The following RASGEF1C variants were observed in gnomAD, a reference collection of about 807,000 sequenced individuals.
RASGEF1C encodes ras-GEF domain-containing family member 1C.
Under a neutral mutation model 58.1 loss-of-function variants are expected in RASGEF1C, and 27 were observed. The observed-to-expected ratio is 0.46, with a 90% CI of 0.34 to 0.64. The LOEUF is 0.64. RASGEF1C is among the 30% of genes least tolerant of loss of function. RASGEF1C has a pLI of 0.01. For missense variants in RASGEF1C, 502 were observed against 605.1 expected (o/e 0.83, Z 1.79); for synonymous variants, 243 against 246.3 (o/e 0.99, Z 0.13).
chr5:180,147,419 T>C (rs1766674529), intron 1 of RASGEF1C, among the ~76,000 whole-genome samples: 1 of 152,168 alleles, frequency 6.6e-6, no homozygotes, highest in Admixed American at 6.5e-5. Context: ...ATCTTTCTTC[T>C]TTTTTAATGT....
chr5:180,200,934 A>G (rs1195433393), intron 1 of RASGEF1C, among the ~76,000 whole-genome samples: 1 of 152,070 alleles, frequency 6.6e-6, no homozygotes, highest in African/African-American at 2.4e-5. Context: ...AGAACTATGA[A>G]AAAAAGAAAG....
chr5:180,136,491 TG>T lies in RASGEF1C; in HGVS notation c.324del (p.Lys109AsnfsTer100). On this transcript the variant is annotated frameshift_variant, in exon 4 of 14. Coordinates refer to ENST00000361132, the MANE Select transcript of RASGEF1C (RefSeq NM_175062.4). LOFTEE classifies it high-confidence loss of function. ...LDKARVRKFG[P>X]KLLQLLAEWT... Reference sequence around the variant, plus strand: ...CACTCGGCCAACAGCTGCAGCAGTTTGGGGCCGAACTTCCGGACCCGGGCCT... The same window carrying T: ...CACTCGGCCAACAGCTGCAGCAGTTTGGGCCGAACTTCCGGACCCGGGCCT... The T allele has an allele frequency of 1.9e-6, 3 of 1,570,870 alleles. No homozygotes were observed. The highest frequency in any genetic ancestry group is 1.7e-6 in the Non-Finnish European group (2 of 1,157,452).
rs1030060370 is a variant in RASGEF1C at position 180,131,546 on chromosome 5, C to T, written c.439-2936G>A. 2.0e-5 allele frequency among the ~76,000 whole-genome samples: 3 copies of T among 152,212 alleles called. 1 individual carries two copies. Among genetic ancestry groups the T allele is most frequent in the African/African-American group, 7.2e-5 (3 of 41,446 alleles). ...GCTGTCAGGGAAATGATTCTGTTCA[C>T]GTGCATCTCCTCTCCCTGGACCACA... On this transcript the variant is annotated intron_variant, in intron 4 of 13. Transcript: ENST00000361132.
chr5:180,144,924 C>A (rs948097961), intron 1 of RASGEF1C, among the ~76,000 whole-genome samples: 1 of 152,110 alleles, frequency 6.6e-6, no homozygotes. Flanking sequence ...CAGTGACTGG[C>A]GTATTTCATT....
Position 180,177,978 on chromosome 5 carries a change from TC to T in RASGEF1C, c.-7+31049del. Among the ~76,000 whole-genome samples the T allele has an allele frequency of 6.6e-6, 1 of 151,476 alleles. No homozygotes were observed. Among genetic ancestry groups the T allele is most frequent in the South Asian group, 2.1e-4 (1 of 4,768 alleles). On this transcript the variant is annotated intron_variant, in intron 1 of 13. Transcript: ENST00000361132. The surrounding 1 kb of genome is among the most constrained non-coding windows in gnomAD (Gnocchi z 5.0). ...GCCCACCTTGGGCTTTTTTTTTTTTTCTTTTTGAGGTGGAGTCTCGCTCTGT... is the reference window on the plus strand; with the variant it reads ...GCCCACCTTGGGCTTTTTTTTTTTTTTTTTTGAGGTGGAGTCTCGCTCTGT...
chr5:180,127,739 C>T, intron 5 of RASGEF1C, 56 bp from the exon 6 acceptor site: 1 of 1,534,930 alleles, frequency 6.5e-7, no homozygotes, highest in Non-Finnish European at 8.9e-7. Flanking sequence ...AGGGGGTGTC[C>T]ACTGGGGGGC....
At chr5:180,191,550 A>G (rs1260001580) in intron 1 of RASGEF1C, among the ~76,000 whole-genome samples, 2 of 151,726 alleles carry the variant, frequency 1.3e-5, no homozygotes, top group South Asian at 2.1e-4. Context: ...TAGAGACGGG[A>G]TTTCACCGTG....
intron 4 of RASGEF1C, among the ~76,000 whole-genome samples, chr5:180,131,787 C>A (rs532411077): frequency 2.6e-5 from 4 of 152,192 alleles, no homozygotes; most frequent in Non-Finnish European, 5.9e-5. Context: ...GATAGGGCCA[C>A]GAGATTGCCT....
chr5:180,115,063 G>A (rs1270505516), intron 10 of RASGEF1C, among the ~76,000 whole-genome samples: 2 of 151,820 alleles, frequency 1.3e-5, no homozygotes, highest in Non-Finnish European at 2.9e-5. Flanking sequence ...CACCCAGGCT[G>A]GAGTGCAATG....
intron 4 of RASGEF1C, among the ~76,000 whole-genome samples, chr5:180,129,499 C>T (rs1157715076): frequency 6.6e-6 from 1 of 152,182 alleles, no homozygotes; most frequent in Non-Finnish European, 1.5e-5. Context: ...CACCCCAGGG[C>T]CCTGGCTGAG....
chr5:180,161,385 G>A (rs1416062846), intron 1 of RASGEF1C, among the ~76,000 whole-genome samples: 1 of 152,274 alleles, frequency 6.6e-6, no homozygotes, highest in Non-Finnish European at 1.5e-5. Flanking sequence ...GAGGTGGCAA[G>A]AACTGGCCCT....
At chr5:180,206,006 AT>A (rs1418853524) in intron 1 of RASGEF1C, among the ~76,000 whole-genome samples, 1 of 152,142 alleles carries the variant, frequency 6.6e-6, no homozygotes, top group African/African-American at 2.4e-5. Flanking sequence ...AAGTGCTGGG[AT>A]TACAGGCGTG....
chr5:180,174,572 GTC>G lies in RASGEF1C; in HGVS notation c.-7+34454_-7+34455del, dbSNP rs879780490. On this transcript the variant is annotated intron_variant, in intron 1 of 13. Transcript: ENST00000361132. ...TGCGTGTGTCTGTGTGTGCACGTGT[GTC>G]TGTGTGTGCGCACGTGTGTGTGTGT... Among the ~76,000 whole-genome samples, 39 of 150,828 alleles carry G rather than the reference GTC, an allele frequency of 2.6e-4. 1 individual carries two copies. The highest frequency in any genetic ancestry group is 1.8e-3 in the Admixed American group (27 of 15,180).
rs890299634 is a variant in RASGEF1C, at chr5:180,111,669, C to G, written c.1180-89G>C. ...AGGGGCTGGTCCTGGCAGAGACCCT[C>G]TCAACACCCAGTGGCTTTAGGGCTC... On this transcript the variant is annotated intron_variant, in intron 11 of 13. Transcript: ENST00000361132. 269 of 1,461,566 alleles carry G rather than the reference C, an allele frequency of 1.8e-4. 1 individual carries two copies. Among genetic ancestry groups the G allele is most frequent in the East Asian group, 3.4e-4 (15 of 43,884 alleles). The allele number at this position is 1,461,566 out of a possible 1,614,324, so 90.5% of individuals were successfully genotyped here. A position where few individuals can be genotyped will look rare whatever the true frequency, so the allele number is the denominator to read the frequency against.
intron 1 of RASGEF1C, among the ~76,000 whole-genome samples, chr5:180,190,369 A>G (rs967852715): frequency 1.8e-4 from 27 of 151,592 alleles, no homozygotes; most frequent in South Asian, 1.7e-3. Context: ...GGGCGCCTGT[A>G]GTCCCAGCTA....
At chr5:180,182,664 A>C (rs1293322361) in intron 1 of RASGEF1C, among the ~76,000 whole-genome samples, 1 of 152,120 alleles carries the variant, frequency 6.6e-6, no homozygotes, top group East Asian at 1.9e-4. Context: ...ATTTTTACAG[A>C]GTGCTGATTG....
At chr5:180,194,750 G>A (rs1051222910) in intron 1 of RASGEF1C, among the ~76,000 whole-genome samples, 4 of 152,188 alleles carry the variant, frequency 2.6e-5, no homozygotes, top group Admixed American at 2.6e-4. Flanking sequence ...TACGTCACAG[G>A]AGATCCATCT....
rs1447401260 is a variant in RASGEF1C, at chr5:180,198,502, C to A, written c.-7+10526G>T. 6.6e-6 allele frequency among the ~76,000 whole-genome samples: 1 copy of A among 152,178 alleles called. No individual in the cohort carries two copies. Among genetic ancestry groups the A allele is most frequent in the Non-Finnish European group, 1.5e-5 (1 of 68,034 alleles). Reference sequence around the variant, plus strand: ...TAGTAGAAATGTATGCCTCACAGTTCTAGAGGCAGAGAAGTCCAAGATCAA... The same window carrying A: ...TAGTAGAAATGTATGCCTCACAGTTATAGAGGCAGAGAAGTCCAAGATCAA... On this transcript the variant is annotated intron_variant, in intron 1 of 13. Transcript: ENST00000361132. This position sits in a 1 kb window ranked among gnomAD's most constrained non-coding sequence, Gnocchi z 4.5.
intron 1 of RASGEF1C, among the ~76,000 whole-genome samples, chr5:180,204,684 A>C (rs1008718971): frequency 6.6e-6 from 1 of 151,880 alleles, no homozygotes; most frequent in African/African-American, 2.4e-5. Context: ...TTCCCATCCT[A>C]AAGTCAGCAT....
Sources: gnomAD v4.1 joint callset for allele counts (sites outside exome capture counted in the v4.1 genomes callset) on GRCh38, gnomAD v4.1.1 for gene constraint, Gnocchi (gnomAD v3.1) non-coding constraint, MANE v1.5 for transcripts, NCBI Gene and HGNC (gene_info 2026-07-23, HGNC 2026-07-21) for gene names.